WWOX: variants seen among roughly 807,000 people sequenced by gnomAD.
The protein encoded by WWOX is WW domain containing oxidoreductase.
In WWOX, 69 loss-of-function variants were observed where a neutral mutation model predicts 46.2. The observed-to-expected ratio is 1.49, with a 90% CI of 1.23 to 1.82. The LOEUF (loss-of-function observed/expected upper bound fraction) is 1.82. Among genes scored for constraint, WWOX ranks in the 40% most tolerant of loss-of-function variants. WWOX has a pLI of 0.00. For missense variants in WWOX, 919 were observed against 542.6 expected, an observed-to-expected ratio of 1.69 and a Z score of -6.89; for synonymous variants, 359 against 202.6, an observed-to-expected ratio of 1.77 and a Z score of -6.56.
chr16:78,999,986 A>T (rs1044223520), intron 8 of WWOX, among the ~76,000 whole-genome samples: 5 of 152,170 alleles, frequency 3.3e-5, no homozygotes, highest in African/African-American at 1.2e-4. Flanking sequence ...AATGAAAAAT[A>T]ATGGCATCTA....
intron 4 of WWOX, among the ~76,000 whole-genome samples, chr16:78,147,473 GAGAATGAAAAGTCAA>G (rs1031397861): frequency 6.6e-6 from 1 of 152,052 alleles, no homozygotes; most frequent in African/African-American, 2.4e-5. Context: ...ACTAGCGATG[GAGAATGAAAAGTCAA>G]TTTGGACACT....
intron 8 of WWOX, chr16:79,205,671 G>C (rs369102614): frequency 6.6e-6 from 1 of 152,118 alleles, no homozygotes; most frequent in Non-Finnish European, 1.5e-5. Flanking sequence ...ACTCCCAAAG[G>C]TTTATGAAGA....
At chr16:78,139,538 G>A (rs1449597399) in intron 4 of WWOX, among the ~76,000 whole-genome samples, 4 of 152,082 alleles carry the variant, frequency 2.6e-5, no homozygotes, top group Admixed American at 2.0e-4. Flanking sequence ...CCAGCTACTC[G>A]GGAGGCTGAG....
At chr16:78,659,063 G>A (rs2047148173) in intron 8 of WWOX, among the ~76,000 whole-genome samples, 1 of 150,558 alleles carries the variant, frequency 6.6e-6, no homozygotes, top group South Asian at 2.1e-4. Context: ...CTGCACTCCA[G>A]CCTGGGCAAT....
intron 5 of WWOX, among the ~76,000 whole-genome samples, chr16:78,267,356 T>C (rs1338983526): frequency 1.3e-5 from 2 of 152,272 alleles, no homozygotes; most frequent in Non-Finnish European, 2.9e-5. Context: ...TTTCTTGTTT[T>C]ATAATTAAGA....
rs533607500 is a variant in WWOX, at chr16:78,453,895, G to C, written c.1056+21143G>C. Among the ~76,000 whole-genome samples the C allele has an allele frequency of 1.8e-4, 28 of 152,146 alleles. 1 individual carries two copies. The highest frequency in any genetic ancestry group is 6.5e-4 in the African/African-American group (27 of 41,522). ...TTTTCTGTACATGCCAAGTTTTACAGCTTTTTGTATCATGAGTTTTCTTTT... is the reference window on the plus strand; with the variant it reads ...TTTTCTGTACATGCCAAGTTTTACACCTTTTTGTATCATGAGTTTTCTTTT... On this transcript the variant is annotated intron_variant, in intron 8 of 8. Coordinates refer to ENST00000566780, the MANE Select transcript of WWOX (RefSeq NM_016373.4).
chr16:78,957,497 C>T (rs1023311077), intron 8 of WWOX, among the ~76,000 whole-genome samples: 1 of 152,124 alleles, frequency 6.6e-6, no homozygotes, highest in African/African-American at 2.4e-5. Flanking sequence ...GCTGAGACAC[C>T]AGAACAGGTG....
chr16:78,501,213 CTT>C (rs1402484318), intron 8 of WWOX, among the ~76,000 whole-genome samples: 1 of 23,890 alleles, frequency 4.2e-5, no homozygotes, highest in African/African-American at 7.6e-5. Context: ...TTTTGAAAAA[CTT>C]TTTTGGAGCA....
intron 8 of WWOX, among the ~76,000 whole-genome samples, chr16:78,917,699 G>T (rs951600019): frequency 6.6e-6 from 1 of 151,958 alleles, no homozygotes; most frequent in Non-Finnish European, 1.5e-5. Flanking sequence ...CTACTCGTGG[G>T]CAGGGACTGT....
At chr16:78,402,236 C>T (rs778640704) in intron 6 of WWOX, among the ~76,000 whole-genome samples, 2 of 152,152 alleles carry the variant, frequency 1.3e-5, no homozygotes, top group East Asian at 3.9e-4. Flanking sequence ...TTAGATAATA[C>T]ATGGCCTTTT....
intron 5 of WWOX, chr16:78,166,798 C>A (rs2034990460): frequency 1.3e-5 from 2 of 152,136 alleles, no homozygotes; most frequent in South Asian, 2.1e-4. Context: ...ATCTCATGAT[C>A]TACACACCTA....
At chr16:79,089,223 G>A (rs892813412) in intron 8 of WWOX, among the ~76,000 whole-genome samples, 5 of 152,078 alleles carry the variant, frequency 3.3e-5, no homozygotes, top group African/African-American at 1.2e-4. Flanking sequence ...TGTTTTATAT[G>A]GAGACATTAG....
intron 8 of WWOX, among the ~76,000 whole-genome samples, chr16:78,696,503 G>A (rs559977908): frequency 1.1e-4 from 17 of 151,910 alleles, no homozygotes; most frequent in Middle Eastern, 3.4e-3. Context: ...CTAGTAATAC[G>A]TGGTAGGATA....
chr16:78,999,380 G>A lies in WWOX; in HGVS notation c.1057-212228G>A, dbSNP rs552188676. The stretch of plus-strand genomic sequence containing the variant: ...AGCTACTCGAGAGGCTGAGGCAGGA[G>A]AATCGCTTCAACCCAGAAGGCGGAA... On this transcript the variant is annotated intron_variant, in intron 8 of 8. Coordinates refer to ENST00000566780, the MANE Select transcript of WWOX (RefSeq NM_016373.4). Among the ~76,000 whole-genome samples, 8 of 152,286 alleles carry A rather than the reference G, an allele frequency of 5.3e-5. No homozygotes were observed. The East Asian group carries it at 1.5e-3, about 29-fold the overall frequency.
chr16:78,315,964 G>A (rs1954126651), intron 5 of WWOX, among the ~76,000 whole-genome samples: 1 of 152,128 alleles, frequency 6.6e-6, no homozygotes, highest in African/African-American at 2.4e-5. Flanking sequence ...TGGCACTGCA[G>A]GCCAGTTGCG....
chr16:78,217,543 A>G (rs2036761575), intron 5 of WWOX, among the ~76,000 whole-genome samples: 1 of 152,250 alleles, frequency 6.6e-6, no homozygotes, highest in Non-Finnish European at 1.5e-5. Context: ...TGCCGATGAG[A>G]TGAGAGCTGA....
At chr16:78,692,517 G>C (rs929587599) in intron 8 of WWOX, among the ~76,000 whole-genome samples, 39 of 152,124 alleles carry the variant, frequency 2.6e-4, no homozygotes, top group African/African-American at 9.4e-4. Flanking sequence ...CCTGCCTTTG[G>C]GTTCTAAGAC....
chr16:78,844,041 G>A (rs1013810765), intron 8 of WWOX, among the ~76,000 whole-genome samples: 2 of 152,112 alleles, frequency 1.3e-5, no homozygotes, highest in African/African-American at 4.8e-5. Context: ...GCTGGAATTT[G>A]GTAACATTTT....
At chr16:78,664,894 C>T (rs1233653463) in intron 8 of WWOX, among the ~76,000 whole-genome samples, 1 of 152,200 alleles carries the variant, frequency 6.6e-6, no homozygotes. Flanking sequence ...CATGAATAGG[C>T]ACTTACAATG....
Sources: gnomAD v4.1 joint callset for allele counts (sites outside exome capture counted in the v4.1 genomes callset) on GRCh38, gnomAD v4.1.1 for gene constraint, MANE v1.5 for transcripts, NCBI Gene and HGNC (gene_info 2026-07-23, HGNC 2026-07-21) for gene names.